Variants in RBFOX1 observed in about 807,000 individuals in gnomAD.
RBFOX1 encodes RNA binding fox-1 homolog 1, also known as RNA binding protein fox-1 homolog 1.
In RBFOX1, 8 loss-of-function variants were observed where a neutral mutation model predicts 57.7. The ratio of observed to expected loss-of-function variants is 0.14; its 90% CI spans 0.08 to 0.25. The LOEUF is 0.25. RBFOX1 is among the 10% of genes least tolerant of loss of function. The probability of loss-of-function intolerance (pLI) is 1.00; values close to 1 mark genes in which losing one functional copy is unlikely to be tolerated. For synonymous variants in RBFOX1, 326 were observed against 222.4 expected, an observed-to-expected ratio of 1.47 and a Z score of -4.15; for missense variants, 611 against 548.5, an observed-to-expected ratio of 1.11 and a Z score of -1.14.
chr16:5,866,311 C>T (rs138739779), intron 3 of RBFOX1, among the ~76,000 whole-genome samples: 1 of 152,296 alleles, frequency 6.6e-6, no homozygotes, highest in East Asian at 1.9e-4. Flanking sequence ...TCATGAGGGC[C>T]TACCTTCATG....
chr16:7,108,790 G>C (rs1451160310), intron 4 of RBFOX1, among the ~76,000 whole-genome samples: 3 of 152,274 alleles, frequency 2.0e-5, no homozygotes, highest in Admixed American at 6.5e-5. Flanking sequence ...TGTATTACGA[G>C]GCTCATGAAG....
intron 3 of RBFOX1, among the ~76,000 whole-genome samples, chr16:5,622,223 A>G (rs1218780053): frequency 6.6e-6 from 1 of 152,212 alleles, no homozygotes; most frequent in Non-Finnish European, 1.5e-5. Context: ...TTTTGACAGT[A>G]ATTATGATGC....
intron 1 of RBFOX1, among the ~76,000 whole-genome samples, chr16:6,090,936 G>A (rs1433244114): frequency 6.6e-6 from 1 of 152,192 alleles, no homozygotes; most frequent in Non-Finnish European, 1.5e-5. Flanking sequence ...GATTCATATG[G>A]TTTGTTCATA....
intron 3 of RBFOX1, among the ~76,000 whole-genome samples, chr16:5,736,125 G>C (rs532876299): frequency 5.8e-4 from 89 of 152,158 alleles, no homozygotes; most frequent in African/African-American, 1.9e-3. Context: ...GATGACGGCG[G>C]GAGGTTTTGT....
chr16:5,655,985 TG>T (rs2049416545), intron 3 of RBFOX1, among the ~76,000 whole-genome samples: 1 of 152,262 alleles, frequency 6.6e-6, no homozygotes, highest in African/African-American at 2.4e-5. Context: ...TTCACCACAA[TG>T]TCAGCCACTT....
chr16:7,555,563 G>C (rs1162424544), intron 5 of RBFOX1, among the ~76,000 whole-genome samples: 1 of 152,146 alleles, frequency 6.6e-6, no homozygotes, highest in Non-Finnish European at 1.5e-5. Flanking sequence ...AAAGTTCTTA[G>C]AGCAGACTAC....
chr16:6,207,209 C>T lies in RBFOX1; in HGVS notation c.-126-109786C>T, dbSNP rs554313461. On this transcript the variant is annotated intron_variant, in intron 1 of 15. Transcript: ENST00000550418. ...TTCCCTGTCTTTTCCCTTTAGCTTT[C>T]TAGTGCTGTTAGTGGCTTCTGAGAC... 7.9e-5 allele frequency among the ~76,000 whole-genome samples: 12 copies of T among 152,244 alleles called. No individual in the cohort carries two copies. The South Asian group carries it at 8.3e-4, about 11-fold the overall frequency.
chr16:5,617,151 C>T (rs947024830), intron 3 of RBFOX1, among the ~76,000 whole-genome samples: 5 of 151,808 alleles, frequency 3.3e-5, no homozygotes, highest in South Asian at 4.2e-4. Context: ...CATGAATGCA[C>T]GCACAGATTT....
At chr16:6,650,328 A>T (rs11863428) in intron 2 of RBFOX1, among the ~76,000 whole-genome samples, 7,363 of 151,940 alleles carry the variant, frequency 0.048, 213 homozygotes, top group Non-Finnish European at 0.053. Context: ...TTCCCATAGC[A>T]AGGAAAAGAA....
chr16:6,953,457 C>G (rs951680582), intron 3 of RBFOX1, among the ~76,000 whole-genome samples: 5 of 152,052 alleles, frequency 3.3e-5, no homozygotes, highest in Admixed American at 1.3e-4. Flanking sequence ...GCAGTCTCAG[C>G]TCACCGCAAC....
intron 1 of RBFOX1, among the ~76,000 whole-genome samples, chr16:6,105,159 G>A (rs1470393736): frequency 6.6e-6 from 1 of 152,150 alleles, no homozygotes; most frequent in Non-Finnish European, 1.5e-5. Flanking sequence ...CCTGAATCTT[G>A]TTTGATTTCT....
chr16:6,628,570 A>G (rs965923714), intron 2 of RBFOX1, among the ~76,000 whole-genome samples: 3 of 152,106 alleles, frequency 2.0e-5, no homozygotes, highest in African/African-American at 7.2e-5. Context: ...TTGTTTTTTT[A>G]TGCATTTCAA....
At chr16:7,408,374 C>G (rs923957209) in intron 4 of RBFOX1, among the ~76,000 whole-genome samples, 2 of 152,142 alleles carry the variant, frequency 1.3e-5, no homozygotes, top group Admixed American at 1.3e-4. Context: ...AAATGTTAGA[C>G]TGTGTCTGAG....
intron 1 of RBFOX1, among the ~76,000 whole-genome samples, chr16:6,146,712 G>C (rs191365372): frequency 6.8e-4 from 104 of 152,256 alleles, no homozygotes; most frequent in African/African-American, 2.3e-3. Flanking sequence ...TTATTTTTTT[G>C]AAAGTGATAT....
chr16:5,843,131 A>T (rs1380923554), intron 3 of RBFOX1, among the ~76,000 whole-genome samples: 1 of 151,934 alleles, frequency 6.6e-6, no homozygotes, highest in African/African-American at 2.4e-5. Flanking sequence ...CAGGCCTATT[A>T]TTTTTATTTT....
rs893506611 is a variant in RBFOX1 at position 7,175,842 on chromosome 16, A to T, written c.27+123744A>T. ...GGTTGCAGTAATCTAGGAAAAGGTC[A>T]CTCTTTAGAGGAGTTGAAAGGACTC... On this transcript the variant is annotated intron_variant, in intron 4 of 15. Transcript: ENST00000550418. Among the ~76,000 whole-genome samples, 3 of 151,944 alleles carry T rather than the reference A, an allele frequency of 2.0e-5. 1 individual carries two copies. In the South Asian group the frequency reaches 6.2e-4, roughly 32 times the overall value.
At chr16:5,259,400 C>T (rs2062673263) in intron 1 of RBFOX1, among the ~76,000 whole-genome samples, 1 of 152,180 alleles carries the variant, frequency 6.6e-6, no homozygotes, top group Non-Finnish European at 1.5e-5. Context: ...GCTCTGGGAG[C>T]TGGGTTGGGA....
chr16:7,327,297 G>A (rs1470424887), intron 4 of RBFOX1, among the ~76,000 whole-genome samples: 2 of 152,202 alleles, frequency 1.3e-5, no homozygotes, highest in African/African-American at 2.4e-5. Flanking sequence ...TAATTTGCCA[G>A]TGTGGTTTGA....
At chr16:6,886,027 A>G (rs573566588) in intron 3 of RBFOX1, among the ~76,000 whole-genome samples, 17 of 152,040 alleles carry the variant, frequency 1.1e-4, no homozygotes, top group Admixed American at 3.9e-4. Context: ...TCATGCATCA[A>G]GGATACTGTT....
Sources: gnomAD v4.1 joint callset for allele counts (sites outside exome capture counted in the v4.1 genomes callset) on GRCh38, gnomAD v4.1.1 for gene constraint, MANE v1.5 for transcripts, NCBI Gene and HGNC (gene_info 2026-07-23, HGNC 2026-07-21) for gene names.